Variants in EPS8 observed in about 807,000 individuals in gnomAD.
The protein encoded by EPS8 is epidermal growth factor receptor kinase substrate 8.
A neutral mutation model predicts 103.8 loss-of-function variants in EPS8; 42 were observed. That is an observed-to-expected ratio of 0.40 (90% CI 0.32 to 0.52). EPS8 has a LOEUF of 0.52. Among genes scored for constraint, EPS8 ranks in the 20% least tolerant of loss-of-function variants. EPS8 has a pLI of 0.40. For synonymous variants in EPS8, 344 were observed against 344.6 expected, an observed-to-expected ratio of 1.00 and a Z score of 0.02; for missense variants, 969 against 1,005.1, an observed-to-expected ratio of 0.96 and a Z score of 0.49.
In EPS8 at chr12:15,762,245, T is replaced by C. The variant is rs1266748046; in HGVS notation, c.-22+26916A>G. On this transcript the variant is annotated intron_variant, in intron 1 of 20. Transcript: ENST00000281172. This position sits in a 1 kb window ranked among gnomAD's most constrained non-coding sequence, Gnocchi z 4.8. ...AAAACTACAATAAGATATCATCTCATGCTAGTTAAGATGGCTTTTATCCAA... is the reference window on the plus strand; with the variant it reads ...AAAACTACAATAAGATATCATCTCACGCTAGTTAAGATGGCTTTTATCCAA... Among the ~76,000 whole-genome samples the C allele has an allele frequency of 6.6e-6, 1 of 152,120 alleles. No homozygotes were observed. Among genetic ancestry groups the C allele is most frequent in the Non-Finnish European group, 1.5e-5 (1 of 68,010 alleles).
chr12:15,755,456 C>T (rs1946976877), intron 1 of EPS8, among the ~76,000 whole-genome samples: 1 of 152,128 alleles, frequency 6.6e-6, no homozygotes, highest in African/African-American at 2.4e-5. Flanking sequence ...GATTTTCGAG[C>T]AATCTCTCTG....
chr12:15,691,076 C>T (rs570863790), intron 1 of EPS8, among the ~76,000 whole-genome samples: 31 of 151,986 alleles, frequency 2.0e-4, no homozygotes, highest in Admixed American at 3.9e-4. Flanking sequence ...GACAAACTTT[C>T]CTTGAAGCTT....
At chr12:15,632,275 T>A (rs1945060028) in intron 17 of EPS8, among the ~76,000 whole-genome samples, 2 of 152,168 alleles carry the variant, frequency 1.3e-5, no homozygotes, top group South Asian at 4.1e-4. Context: ...TAAATGTTTA[T>A]GATTGCAACT....
At chr12:15,652,245 T>C (rs1264810946) in intron 13 of EPS8, among the ~76,000 whole-genome samples, 1 of 152,140 alleles carries the variant, frequency 6.6e-6, no homozygotes, top group Non-Finnish European at 1.5e-5. Context: ...CTGGATTTCA[T>C]GAAGGTAGAG....
rs1229320269 is a variant in EPS8, at chr12:15,751,099, G to A, written c.-22+38062C>T. ...TCACCAGGCTTGGTGGCACATGCCT[G>A]TAAATCCCAGCTCTTTGGGAGGACG... On this transcript the variant is annotated intron_variant, in intron 1 of 20. Transcript: ENST00000281172. This position sits in a 1 kb window ranked among gnomAD's most constrained non-coding sequence, Gnocchi z 4.3. 2.0e-5 allele frequency among the ~76,000 whole-genome samples: 3 copies of A among 152,266 alleles called. No individual in the cohort carries two copies. The highest frequency in any genetic ancestry group is 7.2e-5 in the African/African-American group (3 of 41,538).
intron 1 of EPS8, among the ~76,000 whole-genome samples, chr12:15,737,159 T>G (rs574987713): frequency 1.4e-5 from 2 of 147,984 alleles, no homozygotes; most frequent in South Asian, 4.3e-4. Flanking sequence ...AGCTCACAGC[T>G]CAGTAGAAAA....
intron 17 of EPS8, among the ~76,000 whole-genome samples, chr12:15,638,585 G>A (rs1250785043): frequency 6.6e-6 from 1 of 152,218 alleles, no homozygotes; most frequent in African/African-American, 2.4e-5. Flanking sequence ...TAAGAAGAGA[G>A]TAGGATAGTG....
intron 1 of EPS8, among the ~76,000 whole-genome samples, chr12:15,705,485 A>T (rs1373561337): frequency 1.3e-5 from 2 of 151,860 alleles, no homozygotes; most frequent in Non-Finnish European, 2.9e-5. Context: ...CAAGGGGTTT[A>T]AAAAAAATCT....
Position 15,697,157 on chromosome 12 carries a change from G to A in EPS8, c.-21-14185C>T, listed in dbSNP as rs1317136605. On this transcript the variant is annotated intron_variant, in intron 1 of 20. Coordinates refer to ENST00000281172, the MANE Select transcript of EPS8 (RefSeq NM_004447.6). The surrounding 1 kb of genome is among the most constrained non-coding windows in gnomAD (Gnocchi z 5.6). Reference sequence around the variant, plus strand: ...CAAGCACAAACTGATTTGGGAAAATGGCCTATAGACTGAAGAAGGGAAAAC... The same window carrying A: ...CAAGCACAAACTGATTTGGGAAAATAGCCTATAGACTGAAGAAGGGAAAAC... Among the ~76,000 whole-genome samples, 4 of 151,948 alleles carry A rather than the reference G, an allele frequency of 2.6e-5. No individual in the cohort carries two copies. The highest frequency in any genetic ancestry group is 5.9e-5 in the Non-Finnish European group (4 of 67,980).
rs1050440563 is a variant in EPS8, at chr12:15,705,130, AT to A, written c.-21-22159del. On this transcript the variant is annotated intron_variant, in intron 1 of 20. Transcript: ENST00000281172. ...CTGGTCTAGTTTTATACCAACTCCT[AT>A]TTTCTGGTCCAGTTCTAACATTATC... Among the ~76,000 whole-genome samples, 128 of 152,162 alleles carry A rather than the reference AT, an allele frequency of 8.4e-4. 1 individual carries two copies. The highest frequency in any genetic ancestry group is 2.5e-3 in the African/African-American group (102 of 41,522).
chr12:15,671,486 AACAC>A (rs1293713524), intron 3 of EPS8, among the ~76,000 whole-genome samples: 6 of 152,104 alleles, frequency 3.9e-5, no homozygotes, highest in African/African-American at 1.4e-4. Flanking sequence ...ACATCTACAA[AACAC>A]ACAAATGTGA....
intron 1 of EPS8, among the ~76,000 whole-genome samples, chr12:15,699,883 C>T (rs983697588): frequency 6.6e-6 from 1 of 152,180 alleles, no homozygotes; most frequent in African/African-American, 2.4e-5. Flanking sequence ...AGGCCAGGTG[C>T]GGTGGCTCAC....
At position 15,713,050 on chromosome 12, in the gene EPS8, T is replaced by A; in HGVS notation, c.-21-30078A>T. 3.2e-6 allele frequency: 3 copies of A among 948,410 alleles called. No individual in the cohort carries two copies. The highest frequency in any genetic ancestry group is 3.8e-6 in the Non-Finnish European group (3 of 796,174). The allele number at this position is 948,410 out of a possible 1,614,324, so 58.7% of individuals were successfully genotyped here. A position where few individuals can be genotyped will look rare whatever the true frequency, so the allele number is the denominator to read the frequency against. On this transcript the variant is annotated intron_variant, in intron 1 of 20. Coordinates refer to ENST00000281172, the MANE Select transcript of EPS8 (RefSeq NM_004447.6). This position sits in a 1 kb window ranked among gnomAD's most constrained non-coding sequence, Gnocchi z 4.8. ...CTCTAGGGCGTTAACTAAGATTTCC[T>A]CCTCTTGTTAAGTAAGTAAACACAG...
chr12:15,700,192 C>T lies in EPS8; in HGVS notation c.-21-17220G>A, dbSNP rs1946295087. Among the ~76,000 whole-genome samples, 1 of 152,030 alleles carries T rather than the reference C, an allele frequency of 6.6e-6. No individual in the cohort carries two copies. The highest frequency in any genetic ancestry group is 2.4e-5 in the African/African-American group (1 of 41,418). On this transcript the variant is annotated intron_variant, in intron 1 of 20. Transcript: ENST00000281172. The surrounding 1 kb of genome is among the most constrained non-coding windows in gnomAD (Gnocchi z 5.1). The stretch of plus-strand genomic sequence containing the variant: ...AACAAAAAAAGAAACTCTTCCCTAA[C>T]CAACTCAACGTTAACAATATCTAGT...
intron 17 of EPS8, among the ~76,000 whole-genome samples, chr12:15,635,134 A>T (rs1038113762): frequency 2.6e-5 from 4 of 152,182 alleles, no homozygotes; most frequent in Non-Finnish European, 5.9e-5. Flanking sequence ...AGCTGATTTT[A>T]CAGAAGGTAA....
At chr12:15,703,920 G>A (rs536025054) in intron 1 of EPS8, among the ~76,000 whole-genome samples, 194 of 121,858 alleles carry the variant, frequency 1.6e-3, no homozygotes, top group African/African-American at 5.9e-3. Flanking sequence ...TCCAAACTCC[G>A]TAATTATCCA....
intron 1 of EPS8, 147 bp from the exon 2 acceptor site, chr12:15,683,119 G>A: frequency 2.0e-6 from 1 of 491,144 alleles, no homozygotes; most frequent in East Asian, 3.6e-5. Context: ...AAAGAGCTCA[G>A]GCCCCAGAGG....
In EPS8 at chr12:15,772,332, C is replaced by G. The variant is rs1272509189; in HGVS notation, c.-22+16829G>C. ...TCTGAGGGGCCTGTGTGATATTCAG[C>G]TTCAGTCATAAATAGAGTTAGAGTT... On this transcript the variant is annotated intron_variant, in intron 1 of 20. Transcript: ENST00000281172. This position sits in a 1 kb window ranked among gnomAD's most constrained non-coding sequence, Gnocchi z 5.0. 1.3e-5 allele frequency among the ~76,000 whole-genome samples: 2 copies of G among 152,030 alleles called. No individual in the cohort carries two copies. Among genetic ancestry groups the G allele is most frequent in the African/African-American group, 4.8e-5 (2 of 41,404 alleles).
In EPS8 at chr12:15,737,789, T is replaced by A. The variant is rs577602456; in HGVS notation, c.-22+51372A>T. Among the ~76,000 whole-genome samples, 41 of 152,256 alleles carry A rather than the reference T, an allele frequency of 2.7e-4. No individual in the cohort carries two copies. In the East Asian group the frequency reaches 3.3e-3, roughly 12 times the overall value. ...AAAGCATATCCTAGTGACTTTTTTTTAAATATTATTAAATCTGTTTCAACA... is the reference window on the plus strand; with the variant it reads ...AAAGCATATCCTAGTGACTTTTTTTAAAATATTATTAAATCTGTTTCAACA... On this transcript the variant is annotated intron_variant, in intron 1 of 20. Coordinates refer to ENST00000281172, the MANE Select transcript of EPS8 (RefSeq NM_004447.6).
Sources: allele counts gnomAD v4.1 joint callset (sites outside exome capture counted in the v4.1 genomes callset), GRCh38; gene constraint gnomAD v4.1.1; non-coding constraint Gnocchi (gnomAD v3.1); transcripts MANE v1.5; gene names NCBI Gene and HGNC (gene_info 2026-07-23, HGNC 2026-07-21).